PPIL1: variants seen among roughly 807,000 people sequenced by gnomAD.
PPIL1 encodes peptidyl-prolyl cis-trans isomerase-like 1.
PPIL1 carries 14 observed loss-of-function variants against 19.4 expected under a neutral mutation model. That is an observed-to-expected ratio of 0.72 (90% confidence interval 0.48 to 1.13). The LOEUF is 1.13. Ranked by LOEUF, PPIL1 falls within the 50% of genes most tolerant of loss-of-function variation. The pLI is 0.00. For missense variants in PPIL1, 192 were observed against 218.0 expected (o/e 0.88, Z 0.75); for synonymous variants, 72 against 73.6 (o/e 0.98, Z 0.11).
chr6:36,866,902 G>T (rs777481186), intron 2 of PPIL1, among the ~76,000 whole-genome samples: 1 of 152,176 alleles, frequency 6.6e-6, no homozygotes, highest in African/African-American at 2.4e-5. Context: ...TCAATAGACC[G>T]AAGAGACCTA....
intron 2 of PPIL1, among the ~76,000 whole-genome samples, chr6:36,863,993 C>A (rs143163692): frequency 6.6e-6 from 1 of 151,916 alleles, no homozygotes; most frequent in Non-Finnish European, 1.5e-5. Context: ...GGTTCCCTGA[C>A]CCTTTATCTT....
At chr6:36,872,208 T>C (rs900418758) in intron 1 of PPIL1, among the ~76,000 whole-genome samples, 1 of 151,572 alleles carries the variant, frequency 6.6e-6, no homozygotes, top group Non-Finnish European at 1.5e-5. Flanking sequence ...ACCCCTAAAT[T>C]AGGAAAAAAA....
intron 3 of PPIL1, 25 bp from the exon 4 acceptor site, chr6:36,856,058 A>G (rs747235472): frequency 9.3e-6 from 15 of 1,605,118 alleles, no homozygotes; most frequent in Middle Eastern, 3.3e-4. Context: ...GAAGAAAGGA[A>G]AGAGTATAAA....
chr6:36,873,951 T>C (rs1014695433), intron 1 of PPIL1, among the ~76,000 whole-genome samples: 4 of 152,194 alleles, frequency 2.6e-5, no homozygotes, highest in Non-Finnish European at 5.9e-5. Context: ...ATCCCTTCCT[T>C]GTCCTACTTT....
chr6:36,873,337 T>C (rs1236347152), intron 1 of PPIL1, among the ~76,000 whole-genome samples: 1 of 152,182 alleles, frequency 6.6e-6, no homozygotes, highest in African/African-American at 2.4e-5. Flanking sequence ...GTCCTTGAAA[T>C]AGGAAATGCC....
chr6:36,856,537 G>A, intron 3 of PPIL1, 49 bp downstream of exon 3: 1 of 1,528,368 alleles, frequency 6.5e-7, no homozygotes, highest in Non-Finnish European at 9.1e-7. Flanking sequence ...AAAAGAGTGA[G>A]CTTTTAAAAT....
chr6:36,868,604 G>A (rs558601909), intron 2 of PPIL1, among the ~76,000 whole-genome samples: 3 of 152,302 alleles, frequency 2.0e-5, no homozygotes, highest in South Asian at 2.1e-4. Flanking sequence ...TTGGAAGGCC[G>A]AGGCAGGAGG....
rs1486390929 is a variant in PPIL1 at position 36,869,982 on chromosome 6, T to C, written c.211+1736A>G. On this transcript the variant is annotated intron_variant, in intron 2 of 3. Coordinates refer to ENST00000373699, the MANE Select transcript of PPIL1 (RefSeq NM_016059.5). ...CACTGTTCCTTTCTGAAAGATGGGA[T>C]ATTTAGGGATTAGTTAATGATGGTT... is the stretch of plus-strand genomic sequence containing the variant. Among the ~76,000 whole-genome samples the C allele has an allele frequency of 6.6e-5, 10 of 152,034 alleles. No individual in the cohort carries two copies. In the East Asian group the frequency reaches 1.9e-3, roughly 29 times the overall value.
intron 2 of PPIL1, 22 bp from the exon 3 acceptor site, chr6:36,856,676 C>T (rs774745406): frequency 2.1e-5 from 33 of 1,607,636 alleles, no homozygotes; most frequent in Non-Finnish European, 2.8e-5. Flanking sequence ...GAAGATGACA[C>T]ATGAATCAGC....
chr6:36,857,365 A>T (rs1774188970), intron 2 of PPIL1, among the ~76,000 whole-genome samples: 1 of 152,210 alleles, frequency 6.6e-6, no homozygotes, highest in African/African-American at 2.4e-5. Context: ...CATTAAGAGA[A>T]AACAGGGCCA....
intron 2 of PPIL1, among the ~76,000 whole-genome samples, chr6:36,861,401 C>T (rs1774285506): frequency 1.3e-5 from 2 of 152,190 alleles, no homozygotes; most frequent in South Asian, 4.1e-4. Flanking sequence ...ATACAGTCAT[C>T]CCTTGGTATA....
At chr6:36,867,995 G>A (rs1036513773) in intron 2 of PPIL1, among the ~76,000 whole-genome samples, 3 of 152,136 alleles carry the variant, frequency 2.0e-5, no homozygotes, top group Non-Finnish European at 2.9e-5. Flanking sequence ...ATGGAAACTA[G>A]GCAAACATAC....
At chr6:36,872,923 A>T (rs940467954) in intron 1 of PPIL1, among the ~76,000 whole-genome samples, 3 of 152,214 alleles carry the variant, frequency 2.0e-5, no homozygotes, top group Admixed American at 6.5e-5. Flanking sequence ...GTGAGAATTG[A>T]GTCAACTCTG....
chr6:36,857,224 C>A (rs1774186511), intron 2 of PPIL1, among the ~76,000 whole-genome samples: 1 of 152,098 alleles, frequency 6.6e-6, no homozygotes, highest in Non-Finnish European at 1.5e-5. Context: ...CCACCCTTAA[C>A]CTAGGTGATG....
intron 2 of PPIL1, among the ~76,000 whole-genome samples, chr6:36,857,161 C>T (rs13193599): frequency 0.17 from 25,502 of 152,198 alleles, 2,383 homozygotes; most frequent in African/African-American, 0.22. Context: ...ACCCAGAACT[C>T]AGGCAGCCGT....
chr6:36,859,059 G>A (rs1161907039), intron 2 of PPIL1, among the ~76,000 whole-genome samples: 1 of 152,140 alleles, frequency 6.6e-6, no homozygotes, highest in East Asian at 1.9e-4. Context: ...CCAGGACCCT[G>A]CCCTCTAGGA....
At chr6:36,872,847 C>T (rs1242658068) in intron 1 of PPIL1, among the ~76,000 whole-genome samples, 1 of 152,148 alleles carries the variant, frequency 6.6e-6, no homozygotes, top group Non-Finnish European at 1.5e-5. Context: ...TGGGCTCAAG[C>T]AATCTACCTG....
At chr6:36,870,067 T>C (rs1338516015) in intron 2 of PPIL1, among the ~76,000 whole-genome samples, 1 of 150,574 alleles carries the variant, frequency 6.6e-6, no homozygotes, top group African/African-American at 2.4e-5. Flanking sequence ...CTTTCTTATA[T>C]ATTCTGTATT....
rs1386866092 is a variant in PPIL1, at chr6:36,855,565, G to T, written c.*248C>A. On this transcript the variant is annotated 3_prime_UTR_variant, in exon 4 of 4. Coordinates refer to ENST00000373699, the MANE Select transcript of PPIL1 (RefSeq NM_016059.5). ...GAAGCAGCATTATGGTTCATGTGTAGTAAGTAGTCACCTATTGATAAACAG... is the reference window on the plus strand; with the variant it reads ...GAAGCAGCATTATGGTTCATGTGTATTAAGTAGTCACCTATTGATAAACAG... The T allele has an allele frequency of 3.8e-6, 2 of 522,718 alleles. No individual in the cohort carries two copies. Among genetic ancestry groups the T allele is most frequent in the African/African-American group, 3.8e-5 (2 of 52,188 alleles). The allele number at this position is 522,718 out of a possible 1,614,324, so 32.4% of individuals were successfully genotyped here.
Sources: gnomAD v4.1 joint callset for allele counts (sites outside exome capture counted in the v4.1 genomes callset) on GRCh38, gnomAD v4.1.1 for gene constraint, MANE v1.5 for transcripts, NCBI Gene and HGNC (gene_info 2026-07-23, HGNC 2026-07-21) for gene names.